The following TASP1 variants were observed in gnomAD, a reference collection of about 807,000 sequenced individuals.
The protein encoded by TASP1 is taspase 1, also known as threonine aspartase 1.
Under a neutral mutation model 56.6 loss-of-function variants are expected in TASP1, and 16 were observed. The ratio of observed to expected loss-of-function variants is 0.28; its 90% CI spans 0.19 to 0.43. The LOEUF (loss-of-function observed/expected upper bound fraction) is 0.43, where lower values mean the gene tolerates loss of function less well. Among genes scored for constraint, TASP1 ranks in the 20% least tolerant of loss-of-function variants. TASP1 has a pLI of 1.00. For missense variants in TASP1, 393 were observed against 511.6 expected, an observed-to-expected ratio of 0.77 and a Z score of 2.24; for synonymous variants, 179 against 184.2, an observed-to-expected ratio of 0.97 and a Z score of 0.23.
chr20:13,593,811 C>T (rs2047628019), intron 4 of TASP1, among the ~76,000 whole-genome samples: 1 of 152,204 alleles, frequency 6.6e-6, no homozygotes. Flanking sequence ...CTTCTGCAGA[C>T]TTAAACGTCC....
the TASP1 span, among the ~76,000 whole-genome samples, chr20:13,217,065 T>C: frequency 1.3e-5 from 2 of 152,146 alleles, no homozygotes; most frequent in African/African-American, 4.8e-5. Context: ...CCAGAAAACG[T>C]CTCTGGCTGT....
the TASP1 span, among the ~76,000 whole-genome samples, chr20:13,262,586 A>T: frequency 1.3e-5 from 2 of 151,988 alleles, no homozygotes; most frequent in African/African-American, 4.8e-5. Flanking sequence ...CAGGACATAA[A>T]AGAAATCGGT....
At chr20:13,250,389 G>A in the TASP1 span, among the ~76,000 whole-genome samples, 18 of 152,206 alleles carry the variant, frequency 1.2e-4, no homozygotes, top group Non-Finnish European at 1.5e-4. Flanking sequence ...ACGTACTGAA[G>A]ACGTGAGAAT....
chr20:13,489,839 C>G (rs1164223953), intron 10 of TASP1, among the ~76,000 whole-genome samples: 1 of 152,192 alleles, frequency 6.6e-6, no homozygotes, highest in Non-Finnish European at 1.5e-5. Flanking sequence ...GTACAACCAT[C>G]AGCACCATCT....
At chr20:13,416,803 G>A (rs2146060272) in intron 13 of TASP1, among the ~76,000 whole-genome samples, 1 of 152,232 alleles carries the variant, frequency 6.6e-6, no homozygotes, top group Non-Finnish European at 1.5e-5. Flanking sequence ...TTATTCCCAG[G>A]CTCAACCATC....
chr20:13,150,673 G>T, the TASP1 span, among the ~76,000 whole-genome samples: 8 of 152,078 alleles, frequency 5.3e-5, no homozygotes, highest in African/African-American at 1.7e-4. Context: ...TTAAATGTGG[G>T]ATTCTTCAAT....
intron 8 of TASP1, among the ~76,000 whole-genome samples, chr20:13,540,940 C>T (rs1304035813): frequency 6.6e-6 from 1 of 150,402 alleles, no homozygotes; most frequent in African/African-American, 2.4e-5. Context: ...ACATTCAAAA[C>T]ATCAGATCAT....
the TASP1 span, among the ~76,000 whole-genome samples, chr20:13,347,445 C>A: frequency 6.6e-6 from 1 of 152,352 alleles, no homozygotes; most frequent in East Asian, 1.9e-4. Context: ...TCCTGCCCAA[C>A]CACGTCTCTT....
At position 13,392,845 on chromosome 20, in the gene TASP1, G is replaced by A. The variant is rs1443616570; in HGVS notation, c.1171-2393C>T. 5 of 667,948 alleles carry A rather than the reference G, an allele frequency of 7.5e-6. No individual in the cohort carries two copies. The East Asian group carries it at 1.8e-4, about 25-fold the overall frequency. The allele number at this position is 667,948 out of a possible 1,614,324, so 41.4% of individuals were successfully genotyped here. A position where few individuals can be genotyped will look rare whatever the true frequency, so the allele number is the denominator to read the frequency against. On this transcript the variant is annotated intron_variant, in intron 13 of 13. Transcript: ENST00000337743. ...TGATTCCACCCATGGCAAATCCCAT[G>A]GCACCATCAAGGCTGAGAATGGGAA... is the stretch of plus-strand genomic sequence containing the variant.
At chr20:13,596,373 A>T (rs2047732621) in intron 4 of TASP1, among the ~76,000 whole-genome samples, 1 of 48,858 alleles carries the variant, frequency 2.0e-5, no homozygotes, top group Non-Finnish European at 3.5e-5. Context: ...GAAACTCGTA[A>T]AAAAAAAAAA....
At chr20:13,314,391 C>T in the TASP1 span, among the ~76,000 whole-genome samples, 2 of 151,756 alleles carry the variant, frequency 1.3e-5, no homozygotes, top group Admixed American at 1.3e-4. Flanking sequence ...GAAAAAACAC[C>T]TTATCTATAA....
intron 13 of TASP1, among the ~76,000 whole-genome samples, chr20:13,405,361 G>A (rs1457140185): frequency 6.6e-6 from 1 of 152,168 alleles, no homozygotes; most frequent in Non-Finnish European, 1.5e-5. Flanking sequence ...AGATACAAGT[G>A]TCCATTTAAA....
At chr20:13,267,023 T>A in the TASP1 span, among the ~76,000 whole-genome samples, 1 of 152,234 alleles carries the variant, frequency 6.6e-6, no homozygotes, top group Non-Finnish European at 1.5e-5. Flanking sequence ...CTACCCTAGA[T>A]TTAAAGTCTA....
At chr20:13,163,583 A>G in the TASP1 span, among the ~76,000 whole-genome samples, 1 of 152,014 alleles carries the variant, frequency 6.6e-6, no homozygotes, top group Admixed American at 6.6e-5. Flanking sequence ...CTGAGATTTG[A>G]TGTAGGAAAT....
intron 11 of TASP1, among the ~76,000 whole-genome samples, chr20:13,461,268 T>C (rs911126026): frequency 6.6e-6 from 1 of 152,226 alleles, no homozygotes; most frequent in African/African-American, 2.4e-5. Context: ...GCATTTTCTA[T>C]CCACCTTTTG....
intron 7 of TASP1, among the ~76,000 whole-genome samples, chr20:13,566,547 T>C (rs1399176457): frequency 1.3e-5 from 2 of 148,392 alleles, no homozygotes; most frequent in East Asian, 2.0e-4. Flanking sequence ...AGAGTTATAG[T>C]GAGGAAGGAA....
At chr20:13,455,169 A>T (rs989762465) in intron 11 of TASP1, among the ~76,000 whole-genome samples, 1 of 152,164 alleles carries the variant, frequency 6.6e-6, no homozygotes, top group African/African-American at 2.4e-5. Context: ...ACATTTTTGG[A>T]GAGTAAATCT....
At chr20:13,245,768 C>T in the TASP1 span, among the ~76,000 whole-genome samples, 7 of 152,334 alleles carry the variant, frequency 4.6e-5, no homozygotes, top group South Asian at 1.2e-3. Flanking sequence ...TTGCTCTCCT[C>T]TGCTCACAAA....
the TASP1 span, among the ~76,000 whole-genome samples, chr20:13,147,090 G>A: frequency 2.6e-5 from 4 of 152,130 alleles, no homozygotes; most frequent in African/African-American, 9.7e-5. Context: ...CAGAGCCCTC[G>A]AAATCAGGCC....
Sources: gnomAD v4.1 joint callset for allele counts (sites outside exome capture counted in the v4.1 genomes callset) on GRCh38, gnomAD v4.1.1 for gene constraint, MANE v1.5 for transcripts, NCBI Gene and HGNC (gene_info 2026-07-23, HGNC 2026-07-21) for gene names.